The following PDK4 variants were observed in gnomAD, a reference collection of about 807,000 sequenced individuals.
PDK4 encodes pyruvate dehydrogenase kinase, isozyme 4.
PDK4 carries 43 observed loss-of-function variants against 51.7 expected under a neutral mutation model. The observed-to-expected ratio is 0.83, with a 90% CI of 0.65 to 1.07. The LOEUF (loss-of-function observed/expected upper bound fraction) is 1.07. PDK4 is among the 50% of genes least tolerant of loss of function. The pLI is 0.00. For synonymous variants in PDK4, 170 were observed against 176.6 expected, an observed-to-expected ratio of 0.96 and a Z score of 0.30; for missense variants, 498 against 503.5, an observed-to-expected ratio of 0.99 and a Z score of 0.10.
chr7:95,587,613 A>C lies in PDK4; in HGVS notation c.871-85T>G, dbSNP rs1405946713. On this transcript the variant is annotated intron_variant, in intron 8 of 10. Coordinates refer to ENST00000005178, the MANE Select transcript of PDK4 (RefSeq NM_002612.4). ...ATAAAAATGGCTTTCCTTCATTTAAAAATCACCTGGCATATATGACTGTTA... is the reference window on the plus strand; with the variant it reads ...ATAAAAATGGCTTTCCTTCATTTAACAATCACCTGGCATATATGACTGTTA... 2.6e-6 allele frequency: 3 copies of C among 1,174,860 alleles called. No homozygotes were observed. In the East Asian group the frequency reaches 7.1e-5, roughly 28 times the overall value. 72.8% of individuals were successfully genotyped at this position (1,174,860 alleles called of 1,614,324 possible).
At position 95,583,801 on chromosome 7, in the gene PDK4, G is replaced by T. The variant is rs1296050811; in HGVS notation, c.*1840C>A. ...ATTAATCAACTGATTTAAATCTTTG[G>T]TAAATACAAGTATTTACATGTAAAA... is the stretch of plus-strand genomic sequence containing the variant. On this transcript the variant is annotated 3_prime_UTR_variant, in exon 11 of 11. Transcript: ENST00000005178. 3.3e-5 allele frequency: 5 copies of T among 151,688 alleles called. No individual in the cohort carries two copies. 9.4% of individuals were successfully genotyped at this position (151,688 alleles called of 1,614,324 possible). A position where few individuals can be genotyped will look rare whatever the true frequency, so the allele number is the denominator to read the frequency against.
At chr7:95,595,001 T>A (rs748607737) in intron 2 of PDK4, 22 bp downstream of exon 2, 1 of 1,581,512 alleles carries the variant, frequency 6.3e-7, no homozygotes. Flanking sequence ...AACTAGAGAC[T>A]TCAATATGGT....
At chr7:95,593,084 T>C in intron 3 of PDK4, 140 bp from the exon 4 acceptor site, 1 of 504,202 alleles carries the variant, frequency 2.0e-6, no homozygotes, top group East Asian at 3.0e-5. Flanking sequence ...TAGTCCTTTA[T>C]TAGTAATCTC....
Position 95,585,566 on chromosome 7 carries a change from TCA to T in PDK4, c.*73_*74del. ...CGTTTGTTTTGGAGGAAACAAGGGT[TCA>T]CACACAAACATTCAGGAAGCAGCAC... On this transcript the variant is annotated 3_prime_UTR_variant, in exon 11 of 11. Coordinates refer to ENST00000005178, the MANE Select transcript of PDK4 (RefSeq NM_002612.4). 1 of 1,324,436 alleles carries T rather than the reference TCA, an allele frequency of 7.6e-7. No individual in the cohort carries two copies. Among genetic ancestry groups the T allele is most frequent in the Non-Finnish European group, 1.0e-6 (1 of 960,290 alleles). The allele number at this position is 1,324,436 out of a possible 1,614,324, so 82.0% of individuals were successfully genotyped here.
Position 95,596,370 on chromosome 7 carries a change from GA to G in PDK4, c.-78del. On this transcript the variant is annotated 5_prime_UTR_variant, in exon 1 of 11. Transcript: ENST00000005178. ...GCTGCTCGGAGCAGAGCCTGGTTCC[GA>G]GGGGGCGCGGCGCGTCCGGGCGAGG... 4 of 1,440,620 alleles carry G rather than the reference GA, an allele frequency of 2.8e-6. No homozygotes were observed. Among genetic ancestry groups the G allele is most frequent in the Non-Finnish European group, 3.6e-6 (4 of 1,097,576 alleles). 89.2% of individuals were successfully genotyped at this position (1,440,620 alleles called of 1,614,324 possible). A position where few individuals can be genotyped will look rare whatever the true frequency, so the allele number is the denominator to read the frequency against.
At position 95,595,037 on chromosome 7, in the gene PDK4, T is replaced by C. The variant is rs1453772045; in HGVS notation, c.258A>G (p.Gln86=). 4 of 1,610,696 alleles carry C rather than the reference T, an allele frequency of 2.5e-6. No homozygotes were observed. The highest frequency in any genetic ancestry group is 1.3e-5 in the African/African-American group (1 of 74,886). ...PTQLVNTSSV[Q]LVKSWYIQSL... ...TCACCACTTACCAGCTTTTAACCAA[T>C]TGCACTGAAGAGGTATTTACTAATT... The change falls in exon 2 of 11, where the codon CAA becomes CAG. Residue 86 remains glutamine, a synonymous_variant. Transcript: ENST00000005178.
chr7:95,584,454 G>T lies in PDK4; in HGVS notation c.*1187C>A, dbSNP rs1443711730. 1.3e-5 allele frequency: 2 copies of T among 151,618 alleles called. No homozygotes were observed. Among genetic ancestry groups the T allele is most frequent in the Non-Finnish European group, 2.9e-5 (2 of 67,990 alleles). The allele number at this position is 151,618 out of a possible 1,614,324, so 9.4% of individuals were successfully genotyped here. A position where few individuals can be genotyped will look rare whatever the true frequency, so the allele number is the denominator to read the frequency against. ...CCCAAAAATACCATATGCATTTCAG[G>T]TGTCATTCATTATCTCTCAGTCACA... is the stretch of plus-strand genomic sequence containing the variant. On this transcript the variant is annotated 3_prime_UTR_variant, in exon 11 of 11. Transcript: ENST00000005178.
rs745812455 is a variant in PDK4 at position 95,587,093 on chromosome 7, G to A, written c.1012C>T (p.Arg338Cys). The change falls in exon 10 of 11, where the codon CGT (arginine) becomes TGT (cysteine). Residue 338 changes from arginine to cysteine, a missense_variant. Coordinates refer to ENST00000005178, the MANE Select transcript of PDK4 (RefSeq NM_002612.4). ...AGFGYGLPIS[R>C]LYAKYFQGDL... ...CCTTGAAAGTACTTTGCATACAGAC[G>A]AGAAATTGGCAAGCCGTAACCAAAA... 1.5e-5 allele frequency: 24 copies of A among 1,611,212 alleles called. No homozygotes were observed. Among genetic ancestry groups the A allele is most frequent in the Admixed American group, 1.7e-5 (1 of 59,860 alleles).
intron 2 of PDK4, among the ~76,000 whole-genome samples, chr7:95,594,607 A>G (rs1347796189): frequency 1.3e-5 from 2 of 152,194 alleles, no homozygotes; most frequent in Non-Finnish European, 1.5e-5. Flanking sequence ...TTGAACCCAG[A>G]GCCCACTCTG....
intron 1 of PDK4, 72 bp from the exon 2 acceptor site, chr7:95,595,236 A>T: frequency 1.0e-6 from 1 of 990,556 alleles, no homozygotes; most frequent in Non-Finnish European, 1.5e-6. Context: ...AGCATTAACT[A>T]TCAAATATTG....
In PDK4 at chr7:95,585,395, T is replaced by C; in HGVS notation, c.*246A>G. The C allele has an allele frequency of 6.0e-6, 2 of 334,762 alleles. No individual in the cohort carries two copies. Among genetic ancestry groups the C allele is most frequent in the Non-Finnish European group, 1.1e-5 (2 of 185,106 alleles). 20.7% of individuals were successfully genotyped at this position (334,762 alleles called of 1,614,324 possible). A position where few individuals can be genotyped will look rare whatever the true frequency, so the allele number is the denominator to read the frequency against. Reference sequence around the variant, plus strand: ...AGGCTTATTTCTTCAGGATTTGATATAAACTCAGGAGTTATTCTACATTAA... The same window carrying C: ...AGGCTTATTTCTTCAGGATTTGATACAAACTCAGGAGTTATTCTACATTAA... On this transcript the variant is annotated 3_prime_UTR_variant, in exon 11 of 11. Transcript: ENST00000005178.
intron 1 of PDK4, 92 bp downstream of exon 1, chr7:95,596,072 T>C: frequency 7.3e-7 from 1 of 1,360,726 alleles, no homozygotes; most frequent in Non-Finnish European, 9.9e-7. Flanking sequence ...CCAGTTGTTT[T>C]AGCTTGAGCC....
At position 95,593,692 on chromosome 7, in the gene PDK4, A is replaced by G; in HGVS notation, c.344+7T>C. On this transcript the variant is annotated splice_region_variant and intron_variant, in intron 3 of 10. Transcript: ENST00000005178. ...TTTAAACACTTATTCTAATGCATAG[A>G]GCTTACTCTGATAATGCTTTCTGGT... 1.4e-6 allele frequency: 2 copies of G among 1,388,534 alleles called. No individual in the cohort carries two copies. Among genetic ancestry groups the G allele is most frequent in the Non-Finnish European group, 2.1e-6 (2 of 974,862 alleles). 86.0% of individuals were successfully genotyped at this position (1,388,534 alleles called of 1,614,324 possible).
intron 5 of PDK4, 38 bp from the exon 6 acceptor site, chr7:95,592,103 T>G (rs1449672164): frequency 8.4e-7 from 1 of 1,189,920 alleles, no homozygotes; most frequent in Admixed American, 2.1e-5. Flanking sequence ...ATGAAATGAG[T>G]TTATGCCAAG....
rs189647329 is a variant in PDK4 at position 95,585,542 on chromosome 7, G to T, written c.*99C>A. On this transcript the variant is annotated 3_prime_UTR_variant, in exon 11 of 11. Transcript: ENST00000005178. ...TGATTAAGGAGTTTTCGTTGCTGTCGTTTGTTTTGGAGGAAACAAGGGTTC... is the reference window on the plus strand; with the variant it reads ...TGATTAAGGAGTTTTCGTTGCTGTCTTTTGTTTTGGAGGAAACAAGGGTTC... 6.5e-6 allele frequency: 7 copies of T among 1,072,976 alleles called. No homozygotes were observed. Among genetic ancestry groups the T allele is most frequent in the African/African-American group, 1.6e-5 (1 of 63,640 alleles). 66.5% of individuals were successfully genotyped at this position (1,072,976 alleles called of 1,614,324 possible).
Position 95,593,692 on chromosome 7 carries a change from A to AGCTTACTCT in PDK4, c.342_344+6dup, listed in dbSNP as rs761581417. 1 of 1,388,536 alleles carries AGCTTACTCT rather than the reference A, an allele frequency of 7.2e-7. No individual in the cohort carries two copies. Among genetic ancestry groups the AGCTTACTCT allele is most frequent in the Non-Finnish European group, 1.0e-6 (1 of 974,864 alleles). 86.0% of individuals were successfully genotyped at this position (1,388,536 alleles called of 1,614,324 possible). ...TTTAAACACTTATTCTAATGCATAG[A>AGCTTACTCT]GCTTACTCTGATAATGCTTTCTGGT... On this transcript the variant is annotated splice_region_variant and intron_variant, in intron 3 of 10. Coordinates refer to ENST00000005178, the MANE Select transcript of PDK4 (RefSeq NM_002612.4).
In PDK4 at chr7:95,587,451, CGTT is replaced by C. The variant is rs1791499176; in HGVS notation, c.945_947del (p.Thr316del). On this transcript the variant is annotated inframe_deletion, in exon 9 of 11. Transcript: ENST00000005178. ...CATTCCGGGAATTATCCATCACAGG[CGTT>C]GGTGCAGTGGAGTATGTATAACTAA... 1.2e-6 allele frequency: 2 copies of C among 1,608,404 alleles called. No individual in the cohort carries two copies. Among genetic ancestry groups the C allele is most frequent in the Non-Finnish European group, 1.7e-6 (2 of 1,174,916 alleles).
chr7:95,592,969 T>C, intron 3 of PDK4, 25 bp from the exon 4 acceptor site: 1 of 1,507,208 alleles, frequency 6.6e-7, no homozygotes, highest in South Asian at 1.3e-5. Context: ...TTATGGTTAG[T>C]AAAAGTTCAA....
At chr7:95,593,164 T>G (rs1331929977) in intron 3 of PDK4, among the ~76,000 whole-genome samples, 1 of 152,114 alleles carries the variant, frequency 6.6e-6, no homozygotes, top group Non-Finnish European at 1.5e-5. Flanking sequence ...CTAGCTTATA[T>G]GTAAAACTAT....
Sources: gnomAD v4.1 joint callset for allele counts (sites outside exome capture counted in the v4.1 genomes callset) on GRCh38, gnomAD v4.1.1 for gene constraint, MANE v1.5 for transcripts, NCBI Gene and HGNC (gene_info 2026-07-23, HGNC 2026-07-21) for gene names.